The following SLC2A14 variants were observed in gnomAD, a reference collection of about 807,000 sequenced individuals.
SLC2A14 encodes solute carrier family 2, facilitated glucose transporter member 14.
A neutral mutation model predicts 43.0 loss-of-function variants in SLC2A14; 13 were observed. The ratio of observed to expected loss-of-function variants is 0.30; its 90% CI spans 0.20 to 0.48. The LOEUF (loss-of-function observed/expected upper bound fraction) is 0.48, where lower values mean the gene tolerates loss of function less well. Ranked by LOEUF, SLC2A14 falls within the 20% of genes least tolerant of loss-of-function variation. The probability of loss-of-function intolerance (pLI) is 0.99; values close to 1 mark genes in which losing one functional copy is unlikely to be tolerated. For synonymous variants in SLC2A14, 190 were observed against 233.8 expected (o/e 0.81, Z 1.71); for missense variants, 428 against 620.4 (o/e 0.69, Z 3.29).
Position 7,842,477 on chromosome 12 carries a change from C to G in SLC2A14, c.19-9663G>C, listed in dbSNP as rs199995056. On this transcript the variant is annotated intron_variant, in intron 2 of 10. Transcript: ENST00000431042. ...CAAAAGGCCGAGAAGCGGGAAAAGA[C>G]TTCTTCTATACAAGTGCCAATATAT... Among the ~76,000 whole-genome samples, 10 of 152,268 alleles carry G rather than the reference C, an allele frequency of 6.6e-5. No homozygotes were observed. In the East Asian group the frequency reaches 7.7e-4, roughly 12 times the overall value.
At chr12:7,861,000 C>G (rs1592277583) in intron 2 of SLC2A14, among the ~76,000 whole-genome samples, 1 of 152,030 alleles carries the variant, frequency 6.6e-6, no homozygotes, top group South Asian at 2.1e-4. Context: ...CCATGTTGGT[C>G]GGGCTGGTCT....
chr12:7,821,825 CTTTT>C (rs71038774), intron 7 of SLC2A14, among the ~76,000 whole-genome samples: 1 of 127,252 alleles, frequency 7.9e-6, no homozygotes. Context: ...GTATTTCTTT[CTTTT>C]TTTTTTTTTT....
At chr12:7,874,991 A>ATATATAAATATATTTATATATAAT (rs1565585397), upstream of SLC2A14, among the ~76,000 whole-genome samples, 43 of 95,584 alleles carry the variant, frequency 4.5e-4, 1 homozygote, top group African/African-American at 1.6e-3. Flanking sequence ...TTATATATAA[A>ATATATAAATATATTTATATATAAT]TTATATATAA....
In SLC2A14 at chr12:7,829,838, C is replaced by T. The variant is rs757745238; in HGVS notation, c.441G>A (p.Ser147=). ...CAAAGGCACCCCTCAGGGCAGTAGG[C>T]GAGATCTCTCCAATGTACATGGGCA... is the stretch of plus-strand genomic sequence containing the variant. ...GFVPMYIGEI[S]PTALRGAFGT... Residue 147 remains serine, a synonymous_variant, in exon 5 of 11, where the codon TCG becomes TCA. Coordinates refer to ENST00000431042, the MANE Select transcript of SLC2A14 (RefSeq NM_001286234.2). 13 of 1,614,164 alleles carry T rather than the reference C, an allele frequency of 8.1e-6. No individual in the cohort carries two copies. The highest frequency in any genetic ancestry group is 5.5e-5 in the South Asian group (5 of 91,084).
chr12:7,826,967 C>CTCTCCTT lies in SLC2A14; in HGVS notation c.864+527_864+528insAAGGAGA, dbSNP rs1433081908. On this transcript the variant is annotated intron_variant, in intron 7 of 10. Transcript: ENST00000431042. ...TTTCTTTCCTTTCTTCTCTCTCTTT[C>CTCTCCTT]TCTCTCTCTTTCTCTCCTTTCTCTC... Among the ~76,000 whole-genome samples the CTCTCCTT allele has an allele frequency of 2.8e-4, 15 of 52,938 alleles. 1 individual carries two copies. Among genetic ancestry groups the CTCTCCTT allele is most frequent in the African/African-American group, 1.2e-3 (15 of 12,596 alleles). 34.7% of individuals were successfully genotyped at this position (52,938 alleles called of 152,430 possible). A position where few individuals can be genotyped will look rare whatever the true frequency, so the allele number is the denominator to read the frequency against.
chr12:7,887,685 T>A (rs761625941), intron 1 of SLC2A14, among the ~76,000 whole-genome samples: 1 of 152,214 alleles, frequency 6.6e-6, no homozygotes, highest in African/African-American at 2.4e-5. Flanking sequence ...GGCATGTATG[T>A]CAATCCAAGC....
At chr12:7,885,000 A>G (rs1945664737) in intron 1 of SLC2A14, among the ~76,000 whole-genome samples, 1 of 152,028 alleles carries the variant, frequency 6.6e-6, no homozygotes, top group Non-Finnish European at 1.5e-5. Flanking sequence ...ACTATTTTTG[A>G]CAATGCAGTT....
intron 2 of SLC2A14, among the ~76,000 whole-genome samples, chr12:7,836,375 C>T (rs1865462774): frequency 6.6e-6 from 1 of 152,132 alleles, no homozygotes; most frequent in African/African-American, 2.4e-5. Flanking sequence ...CGTGTGCCAC[C>T]ACGCCCAGCT....
chr12:7,848,543 T>G (rs561900763), intron 2 of SLC2A14, among the ~76,000 whole-genome samples: 8 of 124,954 alleles, frequency 6.4e-5, no homozygotes, highest in Non-Finnish European at 9.9e-5. Flanking sequence ...CAAATTCTGC[T>G]TTTTCCAATT....
At chr12:7,847,724 G>A (rs1375578868) in intron 2 of SLC2A14, among the ~76,000 whole-genome samples, 3 of 152,106 alleles carry the variant, frequency 2.0e-5, no homozygotes, top group African/African-American at 7.2e-5. Flanking sequence ...CCCAGAGAGA[G>A]GTTGCTATGG....
intron 7 of SLC2A14, among the ~76,000 whole-genome samples, chr12:7,821,664 A>C (rs1046414408): frequency 6.6e-6 from 1 of 152,136 alleles, no homozygotes; most frequent in Non-Finnish European, 1.5e-5. Flanking sequence ...TCCTTTTACT[A>C]CAATTTTTGT....
At chr12:7,884,335 C>T (rs924380721) in intron 1 of SLC2A14, among the ~76,000 whole-genome samples, 1 of 152,098 alleles carries the variant, frequency 6.6e-6, no homozygotes, top group African/African-American at 2.4e-5. Flanking sequence ...CCTCCAACCC[C>T]TTTGCAATAA....
At chr12:7,875,109 T>A (rs1486828401), upstream of SLC2A14, among the ~76,000 whole-genome samples, 1 of 131,300 alleles carries the variant, frequency 7.6e-6, no homozygotes, top group African/African-American at 2.9e-5. Context: ...AATATTTAAA[T>A]ATTATATTTA....
upstream of SLC2A14, among the ~76,000 whole-genome samples, chr12:7,874,230 G>T (rs535894309): frequency 6.6e-6 from 1 of 152,008 alleles, no homozygotes; most frequent in Non-Finnish European, 1.5e-5. Context: ...TTGATAAATT[G>T]TTTGGCAATA....
rs1312564904 is a variant in SLC2A14 at position 7,817,972 on chromosome 12, A to G, written c.1134T>C (p.Phe378=). The change falls in exon 10 of 11, where the codon TTT becomes TTC. Residue 378 remains phenylalanine, a synonymous_variant. Transcript: ENST00000431042. ...IGAILVFVAC[F]EIGPGPIPWF... ...AGGGAATGGGGCCTGGTCCAATTTC[A>G]AAACAGGCCACAAAGACCAAGATAG... 1.9e-6 allele frequency: 3 copies of G among 1,614,018 alleles called. No homozygotes were observed. Among genetic ancestry groups the G allele is most frequent in the African/African-American group, 2.7e-5 (2 of 74,914 alleles).
chr12:7,873,880 A>G (rs1945360802), upstream of SLC2A14, among the ~76,000 whole-genome samples: 1 of 152,194 alleles, frequency 6.6e-6, no homozygotes, highest in East Asian at 1.9e-4. Context: ...CCCTAGCCCA[A>G]GCATAAGGCT....
Position 7,813,691 on chromosome 12 carries a change from A to G in SLC2A14, c.*625T>C, listed in dbSNP as rs923976249. The G allele has an allele frequency of 8.5e-5, 13 of 153,244 alleles. No individual in the cohort carries two copies. The highest frequency in any genetic ancestry group is 4.5e-4 in the Admixed American group (7 of 15,562). 9.5% of individuals were successfully genotyped at this position (153,244 alleles called of 1,614,324 possible). On this transcript the variant is annotated 3_prime_UTR_variant, in exon 11 of 11. Transcript: ENST00000431042. ...GAACAACATTTCTCCCTGAATTCTTATTGCACCTTAACCTCTCCAGCATCA... is the reference window on the plus strand; with the variant it reads ...GAACAACATTTCTCCCTGAATTCTTGTTGCACCTTAACCTCTCCAGCATCA...
chr12:7,874,062 G>A (rs970300446), upstream of SLC2A14, among the ~76,000 whole-genome samples: 1 of 152,092 alleles, frequency 6.6e-6, no homozygotes, highest in Non-Finnish European at 1.5e-5. Context: ...GTTGATCAGG[G>A]AACTTCACAT....
intron 2 of SLC2A14, among the ~76,000 whole-genome samples, chr12:7,865,057 CCTCATTTTTCCAACAGCATGAG>C (rs935464833): frequency 3.9e-5 from 6 of 152,202 alleles, no homozygotes; most frequent in Non-Finnish European, 8.8e-5. Context: ...AGTCTATTGG[CCTCATTTTTCCAACAGCATGAG>C]CTCACTTTGA....
Sources: allele counts gnomAD v4.1 joint callset (sites outside exome capture counted in the v4.1 genomes callset), GRCh38; gene constraint gnomAD v4.1.1; transcripts MANE v1.5; gene names NCBI Gene and HGNC (gene_info 2026-07-23, HGNC 2026-07-21).